Variants in KCNT2 observed in about 807,000 individuals in gnomAD.
KCNT2 encodes potassium channel subfamily T member 2.
Under a neutral mutation model 153.8 loss-of-function variants are expected in KCNT2, and 67 were observed. That is an observed-to-expected ratio of 0.44 (90% CI 0.36 to 0.53). The LOEUF is 0.53. Ranked by LOEUF, KCNT2 falls within the 20% of genes least tolerant of loss-of-function variation. KCNT2 has a pLI of 0.00. For synonymous variants in KCNT2, 500 were observed against 458.8 expected (o/e 1.09, Z -1.15); for missense variants, 975 against 1,354.8 (o/e 0.72, Z 4.40).
chr1:196,485,987 G>T (rs1346026498), intron 3 of KCNT2, among the ~76,000 whole-genome samples: 1 of 151,880 alleles, frequency 6.6e-6, no homozygotes, highest in Non-Finnish European at 1.5e-5. Flanking sequence ...ATTATTTACA[G>T]CAGGAGAGTA....
intron 5 of KCNT2, among the ~76,000 whole-genome samples, chr1:196,471,500 T>C (rs995574080): frequency 3.9e-5 from 6 of 152,192 alleles, no homozygotes; most frequent in African/African-American, 9.7e-5. Context: ...ATCCTTTGCC[T>C]TTCTCTTCCA....
chr1:196,495,206 T>C (rs1456741093), intron 1 of KCNT2, among the ~76,000 whole-genome samples: 2 of 152,154 alleles, frequency 1.3e-5, no homozygotes, highest in Non-Finnish European at 2.9e-5. Flanking sequence ...GATACATGAC[T>C]TATACTGGGC....
intron 13 of KCNT2, among the ~76,000 whole-genome samples, chr1:196,380,316 A>G (rs1009374912): frequency 1.4e-4 from 21 of 152,218 alleles, no homozygotes; most frequent in African/African-American, 4.6e-4. Flanking sequence ...AAAAGCTTCT[A>G]AAATAAAAAA....
chr1:196,566,053 T>G (rs1660070094), intron 1 of KCNT2, among the ~76,000 whole-genome samples: 2 of 151,964 alleles, frequency 1.3e-5, no homozygotes, highest in Non-Finnish European at 2.9e-5. Flanking sequence ...TGTATACATA[T>G]TGTAAACGAT....
Position 196,412,633 on chromosome 1 carries a change from C to G in KCNT2, c.1185+10417G>C, listed in dbSNP as rs1052490507. ...AAGCTCTACAAATAACAGTTAGCAG[C>G]CCCCTACCCCCCAGCACACACAAAT... On this transcript the variant is annotated intron_variant, in intron 12 of 27. Transcript: ENST00000294725. Among the ~76,000 whole-genome samples, 191 of 151,482 alleles carry G rather than the reference C, an allele frequency of 1.3e-3. 1 individual carries two copies. The highest frequency in any genetic ancestry group is 4.4e-3 in the African/African-American group (184 of 41,398).
chr1:196,485,054 C>T (rs1487559064), intron 3 of KCNT2, among the ~76,000 whole-genome samples: 1 of 151,990 alleles, frequency 6.6e-6, no homozygotes, highest in Non-Finnish European at 1.5e-5. Flanking sequence ...ACCAGAATGC[C>T]TATCAATGAT....
At chr1:196,489,066 T>A (rs1444113037) in intron 3 of KCNT2, among the ~76,000 whole-genome samples, 1 of 151,838 alleles carries the variant, frequency 6.6e-6, no homozygotes, top group East Asian at 1.9e-4. Context: ...GTGTGGGTTG[T>A]GAGGAGCAGG....
intron 25 of KCNT2, among the ~76,000 whole-genome samples, chr1:196,277,736 T>A (rs1658705855): frequency 6.6e-6 from 1 of 152,188 alleles, no homozygotes; most frequent in Non-Finnish European, 1.5e-5. Context: ...TATTTAAATT[T>A]CAAAACTTTG....
chr1:196,563,458 G>GAAAAAA (rs529874769), intron 1 of KCNT2, among the ~76,000 whole-genome samples: 1 of 82,886 alleles, frequency 1.2e-5, no homozygotes, highest in African/African-American at 4.0e-5. Flanking sequence ...AAAGAAAAAA[G>GAAAAAA]AAAAAAAAAA....
chr1:196,464,662 C>T (rs1677451047), intron 8 of KCNT2, among the ~76,000 whole-genome samples: 1 of 151,896 alleles, frequency 6.6e-6, no homozygotes, highest in South Asian at 2.1e-4. Flanking sequence ...CACATTTTTT[C>T]TCTCATTAAG....
chr1:196,591,665 CTT>C (rs1663380757), intron 1 of KCNT2, among the ~76,000 whole-genome samples: 2 of 152,234 alleles, frequency 1.3e-5, no homozygotes, highest in South Asian at 4.1e-4. Flanking sequence ...ATTTGTATGT[CTT>C]ATCTCTCCAG....
intron 13 of KCNT2, among the ~76,000 whole-genome samples, chr1:196,398,247 G>T (rs532641814): frequency 6.6e-6 from 1 of 151,436 alleles, no homozygotes; most frequent in African/African-American, 2.4e-5. Context: ...AGTAGATATG[G>T]CACTTGAAAT....
intron 16 of KCNT2, among the ~76,000 whole-genome samples, chr1:196,337,047 A>G (rs949818596): frequency 2.0e-5 from 3 of 152,024 alleles, no homozygotes; most frequent in Admixed American, 2.0e-4. Context: ...AGAAATACAA[A>G]ATTTACTTTT....
chr1:196,355,192 C>T (rs144625895), intron 14 of KCNT2, among the ~76,000 whole-genome samples: 4 of 151,236 alleles, frequency 2.6e-5, no homozygotes, highest in South Asian at 2.1e-4. Flanking sequence ...AAGAAAAGTA[C>T]TTGAGAACTC....
intron 2 of KCNT2, among the ~76,000 whole-genome samples, chr1:196,491,454 G>A (rs143459032): frequency 6.6e-6 from 1 of 151,904 alleles, no homozygotes; most frequent in Non-Finnish European, 1.5e-5. Context: ...TTGACAAGAG[G>A]ATTTGGAGGT....
chr1:196,602,770 A>ATTTTTTTTT (rs148932905), intron 1 of KCNT2, among the ~76,000 whole-genome samples: 1 of 84,628 alleles, frequency 1.2e-5, no homozygotes, highest in African/African-American at 5.3e-5. Flanking sequence ...TTCAAAGTCT[A>ATTTTTTTTT]TTTTTTTTTT....
At chr1:196,380,561 A>G (rs750362206) in intron 13 of KCNT2, among the ~76,000 whole-genome samples, 16 of 152,218 alleles carry the variant, frequency 1.1e-4, no homozygotes, top group Non-Finnish European at 2.1e-4. Context: ...AAAGTGCAGT[A>G]AACCAATCTA....
Position 196,312,329 on chromosome 1 carries a change from T to C in KCNT2, c.2483+3563A>G, listed in dbSNP as rs552153097. On this transcript the variant is annotated intron_variant, in intron 21 of 27. Coordinates refer to ENST00000294725, the MANE Select transcript of KCNT2 (RefSeq NM_198503.5). ...TCCAGGGAATTTGGAACCTCTGGAC[T>C]GGAGGTAGTTCCAGAGAAAGTTTGC... Among the ~76,000 whole-genome samples the C allele has an allele frequency of 7.9e-5, 12 of 151,774 alleles. No homozygotes were observed. The East Asian group carries it at 1.8e-3, about 22-fold the overall frequency.
chr1:196,487,452 CTGTG>C (rs1365723803), intron 3 of KCNT2, among the ~76,000 whole-genome samples: 2 of 106,966 alleles, frequency 1.9e-5, no homozygotes, highest in Non-Finnish European at 2.3e-5. Context: ...GTGTCTGTGT[CTGTG>C]TGTGTATGTT....
Sources: gnomAD v4.1 joint callset for allele counts (sites outside exome capture counted in the v4.1 genomes callset) on GRCh38, gnomAD v4.1.1 for gene constraint, MANE v1.5 for transcripts, NCBI Gene and HGNC (gene_info 2026-07-23, HGNC 2026-07-21) for gene names.